Variants in CTTNBP2 observed in about 807,000 individuals in gnomAD.
The protein encoded by CTTNBP2 is cortactin binding protein 2.
CTTNBP2 carries 108 observed loss-of-function variants against 156.9 expected under a neutral mutation model. That is an observed-to-expected ratio of 0.69 (90% CI 0.59 to 0.81). CTTNBP2 has a LOEUF of 0.81. Ranked by LOEUF, CTTNBP2 falls within the 30% of genes least tolerant of loss-of-function variation. The pLI, the probability that CTTNBP2 is intolerant of heterozygous loss-of-function variation, is 0.00. For missense variants in CTTNBP2, 1,924 were observed against 2,035.4 expected (o/e 0.95, Z 1.05); for synonymous variants, 767 against 751.8 (o/e 1.02, Z -0.33).
At chr7:117,868,819 G>T (rs1584592006) in intron 1 of CTTNBP2, among the ~76,000 whole-genome samples, 1 of 152,200 alleles carries the variant, frequency 6.6e-6, no homozygotes, top group African/African-American at 2.4e-5. Context: ...GAAGTTGGGG[G>T]ATACTGCTCC....
At chr7:117,864,915 AATATATATTC>A (rs1354584206) in intron 1 of CTTNBP2, among the ~76,000 whole-genome samples, 1 of 142,558 alleles carries the variant, frequency 7.0e-6, no homozygotes, top group African/African-American at 2.6e-5. Flanking sequence ...ATATTCATTC[AATATATATTC>A]ATATATATTC....
chr7:117,802,116 T>C (rs1283988027), intron 3 of CTTNBP2, among the ~76,000 whole-genome samples: 1 of 137,616 alleles, frequency 7.3e-6, no homozygotes, highest in African/African-American at 2.7e-5. Flanking sequence ...GTCCATGTGA[T>C]CTCATTGTTC....
At chr7:117,717,562 C>T (rs1363517114) in intron 22 of CTTNBP2, among the ~76,000 whole-genome samples, 2 of 151,660 alleles carry the variant, frequency 1.3e-5, no homozygotes, top group African/African-American at 4.8e-5. Flanking sequence ...CTCTGTTCTG[C>T]CCTGGATGTG....
At chr7:117,797,867 A>G (rs1189834801) in intron 3 of CTTNBP2, among the ~76,000 whole-genome samples, 2 of 152,194 alleles carry the variant, frequency 1.3e-5, no homozygotes, top group African/African-American at 4.8e-5. Context: ...GAAAAAAGAC[A>G]GAATGCAGAA....
intron 3 of CTTNBP2, among the ~76,000 whole-genome samples, chr7:117,794,685 G>A (rs1354633601): frequency 6.6e-6 from 1 of 152,116 alleles, no homozygotes. Flanking sequence ...GATGCTTCCT[G>A]CTTTGACAAA....
Position 117,760,662 on chromosome 7 carries a change from C to G in CTTNBP2, c.2945G>C (p.Ser982Thr). The change falls in exon 10 of 23, where the codon AGC (serine) becomes ACC (threonine). Residue 982 changes from serine (S) to threonine (T), a missense_variant. Coordinates refer to ENST00000160373, the MANE Select transcript of CTTNBP2 (RefSeq NM_033427.3). ...LRISVGEIEP[S>T]NYGSDDLECE... ...TTCCAAGTCATCAGAACCATAGTTG[C>G]TTGGTTCAATCTCACCCACTGAAAT... 1 of 1,612,556 alleles carries G rather than the reference C, an allele frequency of 6.2e-7. No individual in the cohort carries two copies. Among genetic ancestry groups the G allele is most frequent in the Non-Finnish European group, 8.5e-7 (1 of 1,178,774 alleles).
At chr7:117,843,088 A>T (rs2193263) in intron 2 of CTTNBP2, among the ~76,000 whole-genome samples, 75,175 of 151,916 alleles carry the variant, frequency 0.49, 18,696 homozygotes, top group East Asian at 0.62. Flanking sequence ...AAACACGTAC[A>T]AACTTCTTGT....
chr7:117,780,418 G>T (rs938208099), intron 7 of CTTNBP2, 23 bp downstream of exon 7: 3 of 1,468,440 alleles, frequency 2.0e-6, no homozygotes, highest in Non-Finnish European at 2.7e-6. Flanking sequence ...TATACAGGGG[G>T]AAAAAAACAG....
At chr7:117,866,760 T>C (rs1399333206) in intron 1 of CTTNBP2, among the ~76,000 whole-genome samples, 2 of 152,212 alleles carry the variant, frequency 1.3e-5, no homozygotes, top group Non-Finnish European at 2.9e-5. Context: ...ACTGGATTAC[T>C]GGACTGAGGA....
At chr7:117,736,047 T>C (rs1795668992) in intron 14 of CTTNBP2, among the ~76,000 whole-genome samples, 1 of 152,230 alleles carries the variant, frequency 6.6e-6, no homozygotes, top group Non-Finnish European at 1.5e-5. Context: ...TTTAAATTAT[T>C]AATTAATCTG....
In CTTNBP2 at chr7:117,730,637, C is replaced by T. The variant is rs118104756; in HGVS notation, c.3877-2370G>A. 5.9e-3 allele frequency among the ~76,000 whole-genome samples: 896 copies of T among 152,296 alleles called. 4 individuals carry two copies. Among genetic ancestry groups the T allele is most frequent in the Non-Finnish European group, 0.01 (685 of 68,038 alleles). Reference sequence around the variant, plus strand: ...TCCACTTGGAAGGCACGGACTCAGACGCTTGTACACAGTGACTATTAGTGG... The same window carrying T: ...TCCACTTGGAAGGCACGGACTCAGATGCTTGTACACAGTGACTATTAGTGG... On this transcript the variant is annotated intron_variant, in intron 16 of 22. Coordinates refer to ENST00000160373, the MANE Select transcript of CTTNBP2 (RefSeq NM_033427.3).
chr7:117,835,685 A>C (rs1801887654), intron 2 of CTTNBP2, among the ~76,000 whole-genome samples: 1 of 152,216 alleles, frequency 6.6e-6, no homozygotes, highest in Non-Finnish European at 1.5e-5. Context: ...ATTTGTTTAA[A>C]GTTTTCAACA....
intron 4 of CTTNBP2, chr7:117,786,470 A>T (rs912654732): frequency 2.3e-6 from 1 of 429,330 alleles, no homozygotes; most frequent in Non-Finnish European, 4.6e-6. Context: ...ACAAAAATTA[A>T]ATCAGTACTT....
chr7:117,757,901 G>A lies in CTTNBP2; in HGVS notation c.3242C>T (p.Ala1081Val). 1.2e-6 allele frequency: 2 copies of A among 1,612,866 alleles called. No homozygotes were observed. The highest frequency in any genetic ancestry group is 3.3e-5 in the Admixed American group (2 of 59,900). ...TGACAAAAGCACAGTGATGTGCTCTGCCTTATTCTTCCTCATAAAGTCCCA... is the reference window on the plus strand; with the variant it reads ...TGACAAAAGCACAGTGATGTGCTCTACCTTATTCTTCCTCATAAAGTCCCA... Reference protein sequence around the residue: ...SPWDFMRKNKAEHITVLLSGP... With the variant: ...SPWDFMRKNKVEHITVLLSGP... The change falls in exon 11 of 23, where the codon GCA becomes GTA. Residue 1081 changes from alanine (A) to valine (V), a missense_variant. By Grantham distance (64) the Ala-to-Val change is moderately conservative. Coordinates refer to ENST00000160373, the MANE Select transcript of CTTNBP2 (RefSeq NM_033427.3).
chr7:117,808,604 C>A (rs1035308991), intron 3 of CTTNBP2, among the ~76,000 whole-genome samples: 1 of 152,312 alleles, frequency 6.6e-6, no homozygotes, highest in East Asian at 1.9e-4. Context: ...GAGATATGAC[C>A]GATGTCAGAT....
chr7:117,793,165 T>G (rs926018083), intron 3 of CTTNBP2, among the ~76,000 whole-genome samples: 10 of 152,176 alleles, frequency 6.6e-5, no homozygotes, highest in Admixed American at 1.3e-4. Context: ...TGCTTTAAAA[T>G]TATTAATCTC....
At chr7:117,779,575 G>GT (rs1301350533) in intron 7 of CTTNBP2, among the ~76,000 whole-genome samples, 3 of 151,802 alleles carry the variant, frequency 2.0e-5, no homozygotes. Flanking sequence ...CTGAATGTGT[G>GT]TAACACCACA....
Position 117,767,095 on chromosome 7 carries a change from C to T in CTTNBP2, c.2860G>A (p.Ala954Thr). The change falls in exon 9 of 23, where the codon GCC becomes ACC. Residue 954 changes from alanine to threonine, a missense_variant. Ala to Thr is a moderately conservative substitution (Grantham distance 58). Transcript: ENST00000160373. ...AGCAAATGCTTGCAGTCATCAGTGG[C>T]AACATCATGCACAGTCCGATTGCAC... The part of the protein sequence containing the change: ...DKCNRTVHDV[A>T]TDDCKHLLEN... 6.2e-7 allele frequency: 1 copy of T among 1,610,200 alleles called. No homozygotes were observed. The highest frequency in any genetic ancestry group is 8.5e-7 in the Non-Finnish European group (1 of 1,176,452).
chr7:117,716,127 A>G (rs1000642085), intron 22 of CTTNBP2, among the ~76,000 whole-genome samples: 2 of 148,020 alleles, frequency 1.4e-5, no homozygotes, highest in Non-Finnish European at 3.0e-5. Context: ...ACATTTAAAC[A>G]ATAACATAGT....
Sources: allele counts gnomAD v4.1 joint callset (sites outside exome capture counted in the v4.1 genomes callset), GRCh38; gene constraint gnomAD v4.1.1; transcripts MANE v1.5; gene names NCBI Gene and HGNC (gene_info 2026-07-23, HGNC 2026-07-21).